AGBL4: variants seen among roughly 807,000 people sequenced by gnomAD.
AGBL4 encodes AGBL carboxypeptidase 4, also known as cytosolic carboxypeptidase 6.
A neutral mutation model predicts 66.4 loss-of-function variants in AGBL4; 58 were observed. The observed-to-expected ratio is 0.87, with a 90% confidence interval of 0.71 to 1.09. AGBL4 has a LOEUF of 1.09. AGBL4 is among the 50% of genes least tolerant of loss of function. The pLI, the probability that AGBL4 is intolerant of heterozygous loss-of-function variation, is 0.00. For synonymous variants in AGBL4, 234 were observed against 222.9 expected (o/e 1.05, Z -0.44); for missense variants, 579 against 631.0 (o/e 0.92, Z 0.88).
chr1:49,671,676 C>T (rs1646479316), intron 3 of AGBL4, among the ~76,000 whole-genome samples: 1 of 151,944 alleles, frequency 6.6e-6, no homozygotes, highest in East Asian at 1.9e-4. Flanking sequence ...TGGGCAAGGA[C>T]ATGAACAGAC....
At chr1:49,887,717 A>G (rs188051347) in intron 1 of AGBL4, among the ~76,000 whole-genome samples, 1 of 152,290 alleles carries the variant, frequency 6.6e-6, no homozygotes, top group Non-Finnish European at 1.5e-5. Context: ...AGTCTAGATG[A>G]AAGATTATGA....
intron 10 of AGBL4, among the ~76,000 whole-genome samples, chr1:48,590,019 A>G (rs1326743618): frequency 6.6e-6 from 1 of 152,182 alleles, no homozygotes; most frequent in African/African-American, 2.4e-5. Flanking sequence ...AAGCTGAAGC[A>G]GGTGGATCAC....
intron 2 of AGBL4, among the ~76,000 whole-genome samples, chr1:49,699,945 A>G (rs1178839847): frequency 6.6e-6 from 1 of 151,916 alleles, no homozygotes; most frequent in Admixed American, 6.6e-5. Context: ...GATAATGAAT[A>G]TGCTAATTTG....
intron 3 of AGBL4, among the ~76,000 whole-genome samples, chr1:49,590,689 T>G (rs190769168): frequency 6.6e-6 from 1 of 152,208 alleles, no homozygotes; most frequent in East Asian, 1.9e-4. Context: ...AATATCCTCA[T>G]GAAACTTCAG....
At chr1:49,982,877 G>A (rs1416980799) in intron 1 of AGBL4, among the ~76,000 whole-genome samples, 1 of 152,168 alleles carries the variant, frequency 6.6e-6, no homozygotes, top group Non-Finnish European at 1.5e-5. Flanking sequence ...TCTTCTGAGA[G>A]TTGAGAGACA....
chr1:48,629,874 T>C (rs778110199), intron 9 of AGBL4, among the ~76,000 whole-genome samples: 1 of 152,062 alleles, frequency 6.6e-6, no homozygotes, highest in Non-Finnish European at 1.5e-5. Context: ...AGAGATAAGA[T>C]TGGGGAGGGG....
chr1:48,752,536 ATCTCTAGGTG>A (rs1413721737), intron 6 of AGBL4, among the ~76,000 whole-genome samples: 1 of 152,172 alleles, frequency 6.6e-6, no homozygotes. Context: ...GAAACAGGAA[ATCTCTAGGTG>A]TCATCCAGGG....
chr1:49,270,604 T>C (rs1644035770), intron 3 of AGBL4, among the ~76,000 whole-genome samples: 1 of 152,170 alleles, frequency 6.6e-6, no homozygotes. Flanking sequence ...CAAGATCCTT[T>C]TGCCTACTCC....
chr1:49,741,032 C>G (rs535521625), intron 2 of AGBL4, among the ~76,000 whole-genome samples: 1 of 151,974 alleles, frequency 6.6e-6, no homozygotes, highest in East Asian at 1.9e-4. Context: ...TAGCAGAAGG[C>G]AAGAAATAAC....
intron 1 of AGBL4, among the ~76,000 whole-genome samples, chr1:50,005,175 G>A (rs11205672): frequency 0.42 from 63,792 of 151,910 alleles, 15,854 homozygotes; most frequent in Non-Finnish European, 0.56. Context: ...GTTATCGCAG[G>A]CCTTTGGTGA....
intron 4 of AGBL4, among the ~76,000 whole-genome samples, chr1:49,168,576 C>A (rs1367511303): frequency 6.6e-6 from 1 of 152,134 alleles, no homozygotes; most frequent in Non-Finnish European, 1.5e-5. Flanking sequence ...GGCACTCTGC[C>A]TGTTCAGCTA....
At chr1:48,983,610 T>C (rs1428434636) in intron 5 of AGBL4, among the ~76,000 whole-genome samples, 1 of 152,198 alleles carries the variant, frequency 6.6e-6, no homozygotes, top group Non-Finnish European at 1.5e-5. Context: ...TTCAAGTTAA[T>C]TTCATAAATG....
intron 5 of AGBL4, among the ~76,000 whole-genome samples, chr1:49,042,273 AT>A (rs1173967597): frequency 1.3e-5 from 2 of 152,060 alleles, no homozygotes; most frequent in Non-Finnish European, 2.9e-5. Flanking sequence ...TTCAAGTCTA[AT>A]TTTCTGACTT....
At chr1:49,865,939 C>T (rs1433485637) in intron 1 of AGBL4, 4 of 405,450 alleles carry the variant, frequency 9.9e-6, no homozygotes, top group Non-Finnish European at 1.5e-5. Context: ...CTGAAAAACA[C>T]AACATGAGAA....
chr1:49,686,872 T>A (rs1365768644), intron 3 of AGBL4, among the ~76,000 whole-genome samples: 1 of 152,132 alleles, frequency 6.6e-6, no homozygotes, highest in East Asian at 1.9e-4. Context: ...ATAGTTGAAG[T>A]AGAATACCAA....
chr1:49,143,125 A>T (rs927613242), intron 4 of AGBL4, among the ~76,000 whole-genome samples: 13 of 151,330 alleles, frequency 8.6e-5, no homozygotes, highest in Non-Finnish European at 1.5e-4. Flanking sequence ...ATACATGCCT[A>T]CTCCCACCTC....
At chr1:48,676,242 CCTT>C (rs1646363081) in intron 6 of AGBL4, among the ~76,000 whole-genome samples, 1 of 152,266 alleles carries the variant, frequency 6.6e-6, no homozygotes, top group South Asian at 2.1e-4. Flanking sequence ...CTACCTTCCA[CCTT>C]CTGGCAGAGC....
At chr1:48,759,484 A>G in intron 6 of AGBL4, 1 of 1,104,536 alleles carries the variant, frequency 9.1e-7, no homozygotes, top group Non-Finnish European at 1.2e-6. Context: ...TGGGGTTCCG[A>G]GTGGGGAAGG....
intron 2 of AGBL4, among the ~76,000 whole-genome samples, chr1:49,771,076 T>C (rs990202459): frequency 6.6e-6 from 1 of 152,168 alleles, no homozygotes; most frequent in African/African-American, 2.4e-5. Flanking sequence ...TTCTAGTTCC[T>C]TGAGAAGCAT....
Sources: allele counts gnomAD v4.1 joint callset (sites outside exome capture counted in the v4.1 genomes callset), GRCh38; gene constraint gnomAD v4.1.1; transcripts MANE v1.5; gene names NCBI Gene and HGNC (gene_info 2026-07-23, HGNC 2026-07-21).